The following PTPRK variants were observed in gnomAD, a reference collection of about 807,000 sequenced individuals.
PTPRK encodes protein tyrosine phosphatase receptor type K, also known as receptor-type tyrosine-protein phosphatase kappa.
A neutral mutation model predicts 178.0 loss-of-function variants in PTPRK; 75 were observed. The observed-to-expected ratio is 0.42, with a 90% CI of 0.35 to 0.51. The LOEUF (loss-of-function observed/expected upper bound fraction) is 0.51. Ranked by LOEUF, PTPRK falls within the 20% of genes least tolerant of loss-of-function variation. The probability of loss-of-function intolerance (pLI) is 0.02; values close to 1 mark genes in which losing one functional copy is unlikely to be tolerated. For missense variants in PTPRK, 1,441 were observed against 1,797.8 expected, an observed-to-expected ratio of 0.80 and a Z score of 3.59; for synonymous variants, 637 against 620.6, an observed-to-expected ratio of 1.03 and a Z score of -0.39.
intron 7 of PTPRK, among the ~76,000 whole-genome samples, chr6:128,176,094 AT>A (rs1005758077): frequency 6.6e-6 from 1 of 151,922 alleles, no homozygotes; most frequent in African/African-American, 2.4e-5. Flanking sequence ...CACTAATATA[AT>A]TTTTAAGGTG....
chr6:128,233,003 C>G (rs1812561602), intron 5 of PTPRK, among the ~76,000 whole-genome samples: 1 of 152,162 alleles, frequency 6.6e-6, no homozygotes, highest in South Asian at 2.1e-4. Context: ...AAAGAATTGC[C>G]TACTGTAAAC....
At chr6:128,144,137 A>T (rs1029192433) in intron 7 of PTPRK, among the ~76,000 whole-genome samples, 24 of 152,036 alleles carry the variant, frequency 1.6e-4, no homozygotes, top group Non-Finnish European at 5.9e-5. Context: ...CTCTTTCCTA[A>T]CTCACCCAGG....
At chr6:128,070,155 T>C (rs1782569735) in intron 11 of PTPRK, among the ~76,000 whole-genome samples, 1 of 152,066 alleles carries the variant, frequency 6.6e-6, no homozygotes, top group Non-Finnish European at 1.5e-5. Flanking sequence ...CCAATATTAT[T>C]CATTTATTCT....
intron 18 of PTPRK, chr6:127,995,219 G>A (rs542365925): frequency 6.4e-7 from 1 of 1,567,590 alleles, no homozygotes; most frequent in South Asian, 1.1e-5. Context: ...TTATAATAGG[G>A]TGCTGTTATT....
intron 3 of PTPRK, among the ~76,000 whole-genome samples, chr6:128,276,923 C>T (rs1476095323): frequency 6.6e-6 from 1 of 152,056 alleles, no homozygotes; most frequent in Non-Finnish European, 1.5e-5. Context: ...GATATATATA[C>T]TCTTCCAAAA....
chr6:128,020,866 C>G (rs1012925845), intron 13 of PTPRK, among the ~76,000 whole-genome samples: 7 of 151,974 alleles, frequency 4.6e-5, no homozygotes, highest in South Asian at 2.1e-4. Context: ...ACCAAGGCTT[C>G]GATAATTCCT....
intron 1 of PTPRK, among the ~76,000 whole-genome samples, chr6:128,417,220 G>A (rs555405754): frequency 1.3e-5 from 2 of 151,932 alleles, no homozygotes; most frequent in Non-Finnish European, 2.9e-5. Flanking sequence ...AAGTGGTCAA[G>A]TATTAAAGAT....
intron 2 of PTPRK, among the ~76,000 whole-genome samples, chr6:128,391,387 G>C (rs1839545103): frequency 2.0e-5 from 3 of 152,138 alleles, no homozygotes; most frequent in Admixed American, 1.3e-4. Context: ...ACAATGCTAA[G>C]TAGATGACAA....
At chr6:128,254,832 TG>T (rs1210470981) in intron 3 of PTPRK, among the ~76,000 whole-genome samples, 1 of 151,972 alleles carries the variant, frequency 6.6e-6, no homozygotes, top group Non-Finnish European at 1.5e-5. Context: ...TCAGTAAAAA[TG>T]GGTTGAAGCA....
chr6:128,471,752 G>T (rs908476230), intron 1 of PTPRK, among the ~76,000 whole-genome samples: 1 of 151,972 alleles, frequency 6.6e-6, no homozygotes, highest in African/African-American at 2.4e-5. Flanking sequence ...GGCCCAACAG[G>T]TGTATGTGGA....
intron 7 of PTPRK, among the ~76,000 whole-genome samples, chr6:128,157,943 AGAT>A (rs1798163029): frequency 1.3e-5 from 2 of 152,026 alleles, no homozygotes; most frequent in South Asian, 4.1e-4. Context: ...TAGTTTAATT[AGAT>A]CCCATTTGTC....
intron 3 of PTPRK, among the ~76,000 whole-genome samples, chr6:128,279,376 T>C (rs1418544533): frequency 6.6e-6 from 1 of 151,972 alleles, no homozygotes. Context: ...TTTAAGAAAA[T>C]GGAAAAACAA....
At chr6:128,383,643 C>T (rs550661142) in intron 2 of PTPRK, among the ~76,000 whole-genome samples, 60 of 152,260 alleles carry the variant, frequency 3.9e-4, no homozygotes, top group African/African-American at 1.2e-3. Context: ...AGCTTTTGAG[C>T]TATTCATAAA....
At chr6:128,008,179 A>T (rs1207213156) in intron 14 of PTPRK, 1 of 656,120 alleles carries the variant, frequency 1.5e-6, no homozygotes, top group African/African-American at 2.0e-5. Context: ...TATAATGTTA[A>T]TGCTTTATTT....
At chr6:128,059,656 C>T (rs560116762) in intron 13 of PTPRK, among the ~76,000 whole-genome samples, 2 of 152,256 alleles carry the variant, frequency 1.3e-5, no homozygotes, top group East Asian at 3.9e-4. Context: ...CATCACTTCT[C>T]TCCCGTAGAC....
At chr6:128,194,328 C>G (rs1225987052) in intron 6 of PTPRK, among the ~76,000 whole-genome samples, 1 of 151,966 alleles carries the variant, frequency 6.6e-6, no homozygotes, top group Non-Finnish European at 1.5e-5. Flanking sequence ...CCTCGTGATC[C>G]ACCCGCCTCA....
chr6:128,412,305 C>T (rs1842398978), intron 1 of PTPRK, among the ~76,000 whole-genome samples: 2 of 152,164 alleles, frequency 1.3e-5, no homozygotes, highest in Admixed American at 1.3e-4. Flanking sequence ...GTGGGGGGTA[C>T]ATTAATATGA....
intron 1 of PTPRK, among the ~76,000 whole-genome samples, chr6:128,407,869 G>A (rs1236231413): frequency 1.3e-5 from 2 of 151,926 alleles, no homozygotes; most frequent in African/African-American, 4.8e-5. Flanking sequence ...AAGTATGGGG[G>A]AAGAAAGCTG....
At chr6:128,443,940 C>T (rs1846613191) in intron 1 of PTPRK, among the ~76,000 whole-genome samples, 2 of 152,110 alleles carry the variant, frequency 1.3e-5, no homozygotes, top group African/African-American at 4.8e-5. Context: ...GCAACCTCCA[C>T]CTCCCAGGTT....
Sources: allele counts gnomAD v4.1 joint callset (sites outside exome capture counted in the v4.1 genomes callset), GRCh38; gene constraint gnomAD v4.1.1; transcripts MANE v1.5; gene names NCBI Gene and HGNC (gene_info 2026-07-23, HGNC 2026-07-21).